SLIT1: variants seen among roughly 807,000 people sequenced by gnomAD.
SLIT1 encodes slit homolog 1 protein.
In SLIT1, 66 loss-of-function variants were observed where a neutral mutation model predicts 186.1. The ratio of observed to expected loss-of-function variants is 0.35; its 90% CI spans 0.29 to 0.44. The LOEUF (loss-of-function observed/expected upper bound fraction) is 0.44, where lower values mean the gene tolerates loss of function less well. Ranked by LOEUF, SLIT1 falls within the 20% of genes least tolerant of loss-of-function variation. SLIT1 has a pLI of 1.00. For missense variants in SLIT1, 1,638 were observed against 2,037.4 expected (o/e 0.80, Z 3.77); for synonymous variants, 761 against 833.8 (o/e 0.91, Z 1.50).
intron 4 of SLIT1, among the ~76,000 whole-genome samples, chr10:97,149,020 G>A (rs1378970896): frequency 1.3e-5 from 2 of 152,186 alleles, no homozygotes; most frequent in Non-Finnish European, 1.5e-5. Flanking sequence ...GCATTCTCTC[G>A]GGATGACCCA....
Position 96,999,929 on chromosome 10 carries a change from A to AGATAGAT in SLIT1, c.*1176_*1182dup, listed in dbSNP as rs1554843587. On this transcript the variant is annotated 3_prime_UTR_variant, in exon 37 of 37. Coordinates refer to ENST00000266058, the MANE Select transcript of SLIT1 (RefSeq NM_003061.3). The stretch of plus-strand genomic sequence containing the variant: ...TAAATACTTTTGATGTGATCAATGT[A>AGATAGAT]GATAGATAGATAGATAGATAGGTCT... 5 of 149,562 alleles carry AGATAGAT rather than the reference A, an allele frequency of 3.3e-5. No individual in the cohort carries two copies. The highest frequency in any genetic ancestry group is 3.3e-4 in the Admixed American group (5 of 15,106). The allele number at this position is 149,562 out of a possible 1,614,324, so 9.3% of individuals were successfully genotyped here.
intron 4 of SLIT1, among the ~76,000 whole-genome samples, chr10:97,082,921 G>T (rs1393216649): frequency 1.3e-5 from 2 of 151,644 alleles, no homozygotes; most frequent in Non-Finnish European, 2.9e-5. Context: ...TTGTTTGTTT[G>T]TTGTTTATAG....
rs567218298 is a variant in SLIT1, at chr10:97,185,322, T to A, written c.197+156A>T. Among the ~76,000 whole-genome samples the A allele has an allele frequency of 5.9e-5, 9 of 152,302 alleles. No individual in the cohort carries two copies. In the East Asian group the frequency reaches 1.7e-3, roughly 29 times the overall value. On this transcript the variant is annotated intron_variant, in intron 1 of 36. Coordinates refer to ENST00000266058, the MANE Select transcript of SLIT1 (RefSeq NM_003061.3). The stretch of plus-strand genomic sequence containing the variant: ...GGGAAACCACGGCGCTCCTGGCTCC[T>A]GGCTCGGGAAAGACCCCGGCAGGCA...
chr10:97,001,428 A>AGAG (rs914749272), intron 36 of SLIT1, 78 bp from the exon 37 acceptor site: 5 of 1,108,282 alleles, frequency 4.5e-6, no homozygotes, highest in Non-Finnish European at 5.3e-6. Context: ...GGCAGGAGGA[A>AGAG]GAGGAGGAGG....
intron 15 of SLIT1, 45 bp from the exon 16 acceptor site, chr10:97,047,879 G>C (rs746126595): frequency 2.5e-6 from 4 of 1,613,078 alleles, no homozygotes; most frequent in East Asian, 4.5e-5. Context: ...CCCGGGGCCG[G>C]CTCCCAGCAG....
intron 13 of SLIT1, among the ~76,000 whole-genome samples, chr10:97,055,019 C>T (rs528855780): frequency 3.9e-5 from 6 of 152,206 alleles, no homozygotes; most frequent in Admixed American, 2.0e-4. Context: ...AGTTTGAGAC[C>T]AGTCTGGCCA....
chr10:97,092,452 ATAGG>A (rs370824352), intron 4 of SLIT1, among the ~76,000 whole-genome samples: 29 of 152,334 alleles, frequency 1.9e-4, no homozygotes, highest in African/African-American at 7.0e-4. Flanking sequence ...GGGGTATCTC[ATAGG>A]TCAAGCACCT....
chr10:97,053,115 A>G (rs1212455558), intron 13 of SLIT1, among the ~76,000 whole-genome samples: 2 of 152,232 alleles, frequency 1.3e-5, no homozygotes, highest in Non-Finnish European at 2.9e-5. Context: ...TAAAATCAGG[A>G]TGATAAAGCA....
At chr10:97,129,663 T>C (rs978434194) in intron 4 of SLIT1, among the ~76,000 whole-genome samples, 1 of 152,158 alleles carries the variant, frequency 6.6e-6, no homozygotes, top group African/African-American at 2.4e-5. Flanking sequence ...GGAGGACCCG[T>C]GGCCCATCTC....
At chr10:97,145,435 T>C (rs1849807443) in intron 4 of SLIT1, among the ~76,000 whole-genome samples, 1 of 152,204 alleles carries the variant, frequency 6.6e-6, no homozygotes, top group African/African-American at 2.4e-5. Context: ...GCTGTCCATT[T>C]TTCCTACATG....
intron 23 of SLIT1, 50 bp downstream of exon 23, chr10:97,034,421 C>T: frequency 7.6e-7 from 1 of 1,323,822 alleles, no homozygotes. Context: ...TAGGGAATGA[C>T]TCACAGCCAT....
At chr10:97,073,278 C>A (rs1033666310) in intron 4 of SLIT1, among the ~76,000 whole-genome samples, 1 of 152,214 alleles carries the variant, frequency 6.6e-6, no homozygotes, top group Non-Finnish European at 1.5e-5. Flanking sequence ...CTCTGGGCCA[C>A]CTTCATCTTC....
rs567591031 is a variant in SLIT1 at position 97,073,298 on chromosome 10, A to G, written c.414-7212T>C. 3.1e-4 allele frequency among the ~76,000 whole-genome samples: 47 copies of G among 152,308 alleles called. 1 individual carries two copies. The highest frequency in any genetic ancestry group is 4.1e-4 in the Non-Finnish European group (28 of 68,034). ...GGCCACCTTCATCTTCCTCAGACCC[A>G]GTCATTGCTGCCCGTCCTCCTCCCA... On this transcript the variant is annotated intron_variant, in intron 4 of 36. Transcript: ENST00000266058.
chr10:97,093,352 T>C (rs1849253255), intron 4 of SLIT1, among the ~76,000 whole-genome samples: 1 of 152,274 alleles, frequency 6.6e-6, no homozygotes, highest in South Asian at 2.1e-4. Flanking sequence ...TGTGCCCAGA[T>C]AAAAATTACA....
chr10:97,124,714 G>A (rs1409764604), intron 4 of SLIT1, among the ~76,000 whole-genome samples: 2 of 152,196 alleles, frequency 1.3e-5, no homozygotes. Flanking sequence ...TCCCCACCCA[G>A]GAGCACTAGG....
chr10:97,179,477 A>C (rs1850301566), intron 1 of SLIT1, among the ~76,000 whole-genome samples: 1 of 152,114 alleles, frequency 6.6e-6, no homozygotes, highest in African/African-American at 2.4e-5. Context: ...AAATGCTGTC[A>C]CTGGTCCCAT....
In SLIT1 at chr10:97,185,669, C is replaced by G; in HGVS notation, c.6G>C (p.Ala2=). 2.0e-6 allele frequency: 3 copies of G among 1,527,268 alleles called. No homozygotes were observed. Among genetic ancestry groups the G allele is most frequent in the Non-Finnish European group, 2.6e-6 (3 of 1,141,636 alleles). 94.6% of individuals were successfully genotyped at this position (1,527,268 alleles called of 1,614,324 possible). ...CCGAGGACCCCCACCCGGGAGTCAG[C>G]GCCATGGTGCCCTCACAGCGTCCCG... M[A]LTPGWGSSAG... Residue 2 remains alanine, a synonymous_variant, in exon 1 of 37, where the codon GCG becomes GCC. Transcript: ENST00000266058.
At chr10:97,131,529 C>T (rs1849654367) in intron 4 of SLIT1, among the ~76,000 whole-genome samples, 1 of 152,208 alleles carries the variant, frequency 6.6e-6, no homozygotes, top group African/African-American at 2.4e-5. Context: ...CGTATTGACA[C>T]CCCGCTACCA....
intron 4 of SLIT1, among the ~76,000 whole-genome samples, chr10:97,125,852 A>G (rs1589403183): frequency 6.6e-6 from 1 of 151,050 alleles, no homozygotes; most frequent in East Asian, 1.9e-4. Context: ...AAAAACAAAA[A>G]AAAACAAAAA....
Sources: gnomAD v4.1 joint callset for allele counts (sites outside exome capture counted in the v4.1 genomes callset) on GRCh38, gnomAD v4.1.1 for gene constraint, MANE v1.5 for transcripts, NCBI Gene and HGNC (gene_info 2026-07-23, HGNC 2026-07-21) for gene names.